The following ARMC9 variants were observed in gnomAD, a reference collection of about 807,000 sequenced individuals.
The protein encoded by ARMC9 is armadillo repeat containing 9.
Under a neutral mutation model 107.0 loss-of-function variants are expected in ARMC9, and 94 were observed. That is an observed-to-expected ratio of 0.88 (90% CI 0.74 to 1.04). The LOEUF (loss-of-function observed/expected upper bound fraction) is 1.04. Among genes scored for constraint, ARMC9 ranks in the 50% least tolerant of loss-of-function variants. The probability of loss-of-function intolerance (pLI) is 0.00; values close to 1 mark genes in which losing one functional copy is unlikely to be tolerated. For synonymous variants in ARMC9, 380 were observed against 396.9 expected, an observed-to-expected ratio of 0.96 and a Z score of 0.51; for missense variants, 942 against 1,030.1, an observed-to-expected ratio of 0.91 and a Z score of 1.17.
Position 231,340,803 on chromosome 2 carries a change from G to A in ARMC9, c.1879-4172G>A, listed in dbSNP as rs184932822. 9.0e-4 allele frequency among the ~76,000 whole-genome samples: 137 copies of A among 152,224 alleles called. 2 individuals are homozygous for A. The East Asian group carries it at 0.024, about 27-fold the overall frequency. ...CTCGGGAAGCTGAGGCAGGAGAATC[G>A]CTTGAACCCGGGAGACGGAGGTTGC... is the stretch of plus-strand genomic sequence containing the variant. On this transcript the variant is annotated intron_variant, in intron 20 of 24. Transcript: ENST00000611582.
intron 19 of ARMC9, among the ~76,000 whole-genome samples, chr2:231,317,362 G>A (rs958293459): frequency 6.6e-6 from 1 of 152,036 alleles, no homozygotes; most frequent in Admixed American, 6.6e-5. Context: ...GTCGAGGCAG[G>A]GTTTCACCAT....
chr2:231,321,820 A>G (rs888743560), intron 19 of ARMC9, among the ~76,000 whole-genome samples: 2 of 152,032 alleles, frequency 1.3e-5, no homozygotes, highest in Admixed American at 6.5e-5. Flanking sequence ...CTCTAACCTC[A>G]TGGAAGCTTT....
intron 13 of ARMC9, among the ~76,000 whole-genome samples, chr2:231,271,520 C>T (rs2039326681): frequency 6.6e-6 from 1 of 152,154 alleles, no homozygotes; most frequent in Non-Finnish European, 1.5e-5. Context: ...GATTTGAAAA[C>T]TCTGAAAATA....
At position 231,208,330 on chromosome 2, in the gene ARMC9, G is replaced by A. The variant is rs936167172; in HGVS notation, c.177+78G>A. ...TTGTGGAAAATGCTGCTGTTGGATA[G>A]TGCTAGAATAGTTTTTGAGCACTTG... On this transcript the variant is annotated intron_variant, in intron 3 of 24. Transcript: ENST00000611582. The A allele has an allele frequency of 1.1e-5, 13 of 1,170,000 alleles. No individual in the cohort carries two copies. The Admixed American group carries it at 2.0e-4, about 18-fold the overall frequency. The allele number at this position is 1,170,000 out of a possible 1,614,324, so 72.5% of individuals were successfully genotyped here.
chr2:231,263,113 A>T (rs553538847), intron 12 of ARMC9, among the ~76,000 whole-genome samples: 56 of 152,250 alleles, frequency 3.7e-4, no homozygotes, highest in African/African-American at 1.3e-3. Context: ...CAGGATTTTG[A>T]ATTTGGCACG....
At chr2:231,266,011 A>AG (rs941314754) in intron 12 of ARMC9, among the ~76,000 whole-genome samples, 2 of 152,016 alleles carry the variant, frequency 1.3e-5, no homozygotes, top group Non-Finnish European at 2.9e-5. Context: ...AAAAAAAAAA[A>AG]AAGAAGAAAT....
intron 14 of ARMC9, among the ~76,000 whole-genome samples, chr2:231,273,507 G>A (rs781673653): frequency 2.6e-5 from 4 of 152,114 alleles, no homozygotes; most frequent in Non-Finnish European, 4.4e-5. Flanking sequence ...TCCTGACCTT[G>A]TCCATGATCC....
intron 19 of ARMC9, among the ~76,000 whole-genome samples, chr2:231,308,193 A>G (rs1212520111): frequency 4.6e-5 from 7 of 152,234 alleles, no homozygotes; most frequent in Non-Finnish European, 8.8e-5. Context: ...CAACACAGCC[A>G]GTATTTTCCC....
intron 23 of ARMC9, among the ~76,000 whole-genome samples, chr2:231,365,243 G>GA (rs564539046): frequency 8.5e-4 from 129 of 152,286 alleles, no homozygotes; most frequent in African/African-American, 3.0e-3. Flanking sequence ...CTGAGTCCTG[G>GA]AAAAAATGTA....
intron 1 of ARMC9, among the ~76,000 whole-genome samples, chr2:231,204,484 T>A (rs2031648810): frequency 6.6e-6 from 1 of 152,084 alleles, no homozygotes; most frequent in South Asian, 2.1e-4. Context: ...CCACTCTATC[T>A]AAAATAACCC....
rs1414133671 is a variant in ARMC9, at chr2:231,281,963, C to T, written c.1552-96C>T. On this transcript the variant is annotated intron_variant, in intron 16 of 24. Coordinates refer to ENST00000611582, the MANE Select transcript of ARMC9 (RefSeq NM_001352754.2). ...TGCGAGGACGGGAACACCCACTCTC[C>T]CCATTTGCCAGATTGTTCTGAGGTG... 8 of 1,197,908 alleles carry T rather than the reference C, an allele frequency of 6.7e-6. No individual in the cohort carries two copies. In the Admixed American group the frequency reaches 1.2e-4, roughly 18 times the overall value. 74.2% of individuals were successfully genotyped at this position (1,197,908 alleles called of 1,614,324 possible). A position where few individuals can be genotyped will look rare whatever the true frequency, so the allele number is the denominator to read the frequency against.
At chr2:231,226,846 A>G (rs1483976553) in intron 7 of ARMC9, 48 bp downstream of exon 7, 6 of 1,579,512 alleles carry the variant, frequency 3.8e-6, no homozygotes, top group Non-Finnish European at 5.2e-6. Context: ...TTGCCAGTTC[A>G]GGTTTGAAGT....
At chr2:231,280,121 A>G (rs1397137743) in intron 16 of ARMC9, among the ~76,000 whole-genome samples, 1 of 152,206 alleles carries the variant, frequency 6.6e-6, no homozygotes, top group Admixed American at 6.5e-5. Flanking sequence ...CAAAGGATTC[A>G]TCATATCATT....
chr2:231,356,647 G>A (rs1011119774), intron 22 of ARMC9, among the ~76,000 whole-genome samples: 3 of 152,128 alleles, frequency 2.0e-5, no homozygotes, highest in African/African-American at 4.8e-5. Flanking sequence ...GGTGCAGAGC[G>A]GTAGCTAGTG....
At position 231,214,231 on chromosome 2, in the gene ARMC9, G is replaced by A. The variant is rs374436745; in HGVS notation, c.178-600G>A. 9.2e-5 allele frequency among the ~76,000 whole-genome samples: 14 copies of A among 152,342 alleles called. No individual in the cohort carries two copies. In the East Asian group the frequency reaches 2.7e-3, roughly 29 times the overall value. On this transcript the variant is annotated intron_variant, in intron 3 of 24. Coordinates refer to ENST00000611582, the MANE Select transcript of ARMC9 (RefSeq NM_001352754.2). ...TTCTCTGTCGCTGCAGCTGCAGCTG[G>A]CAGGCGTGGACAGTCACCTTATGGT...
chr2:231,239,974 TC>T lies in ARMC9; in HGVS notation c.814del (p.Arg272AlafsTer34). The T allele has an allele frequency of 6.2e-7, 1 of 1,614,116 alleles. No homozygotes were observed. The highest frequency in any genetic ancestry group is 8.5e-7 in the Non-Finnish European group (1 of 1,180,018). On this transcript the variant is annotated frameshift_variant, in exon 9 of 25. Coordinates refer to ENST00000611582, the MANE Select transcript of ARMC9 (RefSeq NM_001352754.2). LOFTEE classifies it high-confidence loss of function. The part of the protein sequence containing the change: ...ITPEYLQSVC[V>X]RLFSNQMRQS... ...CCTGAGTACCTCCAGAGCGTCTGTGTCCGCCTGTTCAGTAACCAGATGCGGC... is the reference window on the plus strand; with the variant it reads ...CCTGAGTACCTCCAGAGCGTCTGTGTCGCCTGTTCAGTAACCAGATGCGGC...
In ARMC9 at chr2:231,365,963, C is replaced by T. The variant is rs79820016; in HGVS notation, c.2262-3990C>T. 4.7e-3 allele frequency among the ~76,000 whole-genome samples: 714 copies of T among 152,208 alleles called. 17 individuals carry two copies. In the East Asian group the frequency reaches 0.049, roughly 10 times the overall value. ...GGGAGGGGCCAGGCAGAGGGAGCCC[C>T]GGTCTGAGGAGGCTCATTCCCACCC... On this transcript the variant is annotated intron_variant, in intron 23 of 24. Coordinates refer to ENST00000611582, the MANE Select transcript of ARMC9 (RefSeq NM_001352754.2).
chr2:231,269,348 T>C (rs1440719306), intron 12 of ARMC9, among the ~76,000 whole-genome samples: 1 of 151,700 alleles, frequency 6.6e-6, no homozygotes, highest in African/African-American at 2.4e-5. Flanking sequence ...TAGTTTTCTC[T>C]CATCTTTTCT....
intron 8 of ARMC9, among the ~76,000 whole-genome samples, chr2:231,236,487 T>G (rs1389221276): frequency 1.3e-5 from 2 of 152,188 alleles, no homozygotes; most frequent in African/African-American, 2.4e-5. Flanking sequence ...AACTGTAGAT[T>G]CACACTGCAG....
Sources: gnomAD v4.1 joint callset for allele counts (sites outside exome capture counted in the v4.1 genomes callset) on GRCh38, gnomAD v4.1.1 for gene constraint, MANE v1.5 for transcripts, NCBI Gene and HGNC (gene_info 2026-07-23, HGNC 2026-07-21) for gene names.